PDSS2: variants seen among roughly 807,000 people sequenced by gnomAD.
The protein encoded by PDSS2 is decaprenyl diphosphate synthase subunit 2.
A neutral mutation model predicts 44.5 loss-of-function variants in PDSS2; 31 were observed. The ratio of observed to expected loss-of-function variants is 0.70; its 90% CI spans 0.52 to 0.94. The LOEUF is 0.94. Ranked by LOEUF, PDSS2 falls within the 40% of genes least tolerant of loss-of-function variation. PDSS2 has a pLI of 0.00. For missense variants in PDSS2, 452 were observed against 482.2 expected, an observed-to-expected ratio of 0.94 and a Z score of 0.59; for synonymous variants, 157 against 180.3, an observed-to-expected ratio of 0.87 and a Z score of 1.03.
rs561393641 is a variant in PDSS2 at position 107,448,809 on chromosome 6, C to T, written c.296+10181G>A. ...ATAAAGAAAAGAGGTTTAATTGACC[C>T]AGAGTTTCACATCTTGGCAGAAGGT... On this transcript the variant is annotated intron_variant, in intron 1 of 7. Transcript: ENST00000369037. Among the ~76,000 whole-genome samples the T allele has an allele frequency of 2.0e-5, 3 of 152,304 alleles. No individual in the cohort carries two copies. The East Asian group carries it at 5.8e-4, about 29-fold the overall frequency.
intron 1 of PDSS2, among the ~76,000 whole-genome samples, chr6:107,410,975 C>T (rs1780474714): frequency 6.6e-6 from 1 of 151,920 alleles, no homozygotes; most frequent in African/African-American, 2.4e-5. Flanking sequence ...ACCTCTGCCC[C>T]CTGGGTTTAA....
intron 1 of PDSS2, among the ~76,000 whole-genome samples, chr6:107,402,037 G>C (rs1219404182): frequency 6.6e-6 from 1 of 152,102 alleles, no homozygotes; most frequent in African/African-American, 2.4e-5. Context: ...CTAGCACTTT[G>C]GGAGGCAGAG....
chr6:107,368,275 A>AC, intron 1 of PDSS2, among the ~76,000 whole-genome samples: 1 of 152,234 alleles, frequency 6.6e-6, no homozygotes, highest in Admixed American at 6.5e-5. Flanking sequence ...TCAAAAAAAA[A>AC]AAAAAAAACT....
chr6:107,367,301 A>G (rs1778986273), intron 1 of PDSS2, among the ~76,000 whole-genome samples: 1 of 152,202 alleles, frequency 6.6e-6, no homozygotes, highest in African/African-American at 2.4e-5. Flanking sequence ...TACAACACCT[A>G]TTCACAATAA....
At chr6:107,435,203 C>G (rs1299756346) in intron 1 of PDSS2, among the ~76,000 whole-genome samples, 1 of 151,456 alleles carries the variant, frequency 6.6e-6, no homozygotes, top group Non-Finnish European at 1.5e-5. Context: ...CACTTGAGAA[C>G]AGGAGTTCAA....
chr6:107,402,463 CGTATATATATGTATACAT>C (rs1780147980), intron 1 of PDSS2, among the ~76,000 whole-genome samples: 1 of 21,140 alleles, frequency 4.7e-5, no homozygotes, highest in African/African-American at 1.3e-4. Context: ...CATATATATA[CGTATATATATGTATACAT>C]ATATACGTAT....
intron 1 of PDSS2, among the ~76,000 whole-genome samples, chr6:107,439,667 T>C (rs319075): frequency 0.72 from 110,037 of 152,142 alleles, 40,242 homozygotes; most frequent in Middle Eastern, 0.79. Context: ...GAAAGCCTCC[T>C]TGTGAGAAGC....
chr6:107,245,245 A>T (rs1774567937), intron 4 of PDSS2, among the ~76,000 whole-genome samples: 1 of 152,092 alleles, frequency 6.6e-6, no homozygotes, highest in African/African-American at 2.4e-5. Flanking sequence ...CTGCTCCTCC[A>T]GCCTGCCTGC....
intron 4 of PDSS2, among the ~76,000 whole-genome samples, chr6:107,216,067 G>A (rs1358172828): frequency 1.3e-5 from 2 of 152,010 alleles, no homozygotes; most frequent in African/African-American, 4.8e-5. Flanking sequence ...AGCTTGGGAA[G>A]CAGAGGCTGC....
intron 7 of PDSS2, among the ~76,000 whole-genome samples, chr6:107,167,651 G>A (rs1478246678): frequency 1.3e-5 from 2 of 152,170 alleles, no homozygotes. Context: ...TGCTTTAAAT[G>A]TGTCCCAGAT....
intron 4 of PDSS2, among the ~76,000 whole-genome samples, chr6:107,227,261 G>GCT: frequency 7.1e-6 from 1 of 141,530 alleles, no homozygotes; most frequent in Non-Finnish European, 1.5e-5. Flanking sequence ...GGGATTATAG[G>GCT]TGTAAGCCAC....
At chr6:107,171,657 T>A (rs765160513) in intron 7 of PDSS2, among the ~76,000 whole-genome samples, 46 of 152,138 alleles carry the variant, frequency 3.0e-4, no homozygotes, top group Non-Finnish European at 5.0e-4. Context: ...GCTATAGGCA[T>A]GCATCACCAT....
chr6:107,299,067 AG>A (rs1424478175), intron 2 of PDSS2, among the ~76,000 whole-genome samples: 1 of 141,126 alleles, frequency 7.1e-6, no homozygotes, highest in Non-Finnish European at 1.5e-5. Flanking sequence ...GGATCGCCTG[AG>A]CCTGGGAGGT....
chr6:107,155,170 G>A (rs1770842985), intron 7 of PDSS2, among the ~76,000 whole-genome samples: 1 of 146,776 alleles, frequency 6.8e-6, no homozygotes, highest in African/African-American at 2.5e-5. Flanking sequence ...TAAAGAGATG[G>A]AGTCTCGCTC....
At chr6:107,441,000 AT>A (rs1460521797) in intron 1 of PDSS2, among the ~76,000 whole-genome samples, 1 of 152,224 alleles carries the variant, frequency 6.6e-6, no homozygotes, top group Non-Finnish European at 1.5e-5. Flanking sequence ...TCAAAGTAAC[AT>A]TTTAAGCAGT....
intron 4 of PDSS2, chr6:107,229,968 C>T (rs1164133511): frequency 4.7e-6 from 1 of 214,338 alleles, no homozygotes. Flanking sequence ...AGAAAACTGG[C>T]TTTGGCATGA....
chr6:107,372,259 C>T (rs1441422321), intron 1 of PDSS2, among the ~76,000 whole-genome samples: 3 of 151,880 alleles, frequency 2.0e-5, no homozygotes, highest in Non-Finnish European at 4.4e-5. Context: ...TTTGGTTTCT[C>T]TCTCACTGTT....
At chr6:107,325,487 T>C (rs1263091988) in intron 2 of PDSS2, among the ~76,000 whole-genome samples, 1 of 152,238 alleles carries the variant, frequency 6.6e-6, no homozygotes, top group Non-Finnish European at 1.5e-5. Flanking sequence ...GGTGTCCATT[T>C]GAACAGATGG....
intron 1 of PDSS2, among the ~76,000 whole-genome samples, chr6:107,335,960 T>C (rs1432385944): frequency 2.3e-5 from 3 of 131,506 alleles, no homozygotes; most frequent in East Asian, 2.5e-4. Context: ...AATGAATTAG[T>C]CCATTACTTA....
Sources: allele counts gnomAD v4.1 joint callset (sites outside exome capture counted in the v4.1 genomes callset), GRCh38; gene constraint gnomAD v4.1.1; transcripts MANE v1.5; gene names NCBI Gene and HGNC (gene_info 2026-07-23, HGNC 2026-07-21).